Variants in SLC39A9 observed in about 807,000 individuals in gnomAD.
The protein encoded by SLC39A9 is solute carrier family 39 member 9, also known as zinc transporter ZIP9.
SLC39A9 carries 14 observed loss-of-function variants against 28.4 expected under a neutral mutation model. That is an observed-to-expected ratio of 0.49 (90% CI 0.33 to 0.77). The LOEUF (loss-of-function observed/expected upper bound fraction) is 0.77, where lower values mean the gene tolerates loss of function less well. Ranked by LOEUF, SLC39A9 falls within the 30% of genes least tolerant of loss-of-function variation. SLC39A9 has a pLI of 0.02. For missense variants in SLC39A9, 283 were observed against 381.1 expected, an observed-to-expected ratio of 0.74 and a Z score of 2.14; for synonymous variants, 119 against 149.6, an observed-to-expected ratio of 0.80 and a Z score of 1.49.
chr14:69,442,403 T>C (rs1885091770), intron 3 of SLC39A9, 137 bp downstream of exon 3: 1 of 798,014 alleles, frequency 1.3e-6, no homozygotes, highest in African/African-American at 1.7e-5. Context: ...CTAGTGAACA[T>C]TTAACTAAGT....
chr14:69,461,193 C>G lies in SLC39A9; in HGVS notation c.*2600C>G. 1 of 987,634 alleles carries G rather than the reference C, an allele frequency of 1.0e-6. No homozygotes were observed. The allele number at this position is 987,634 out of a possible 1,614,324, so 61.2% of individuals were successfully genotyped here. A position where few individuals can be genotyped will look rare whatever the true frequency, so the allele number is the denominator to read the frequency against. ...TGATGAGAAGCATGATTCTTGCTTC[C>G]ATATAACCAAAGTTAATCTTAATTG... On this transcript the variant is annotated 3_prime_UTR_variant, in exon 7 of 7. Transcript: ENST00000336643.
intron 1 of SLC39A9, among the ~76,000 whole-genome samples, chr14:69,408,376 G>T (rs1883059013): frequency 6.6e-6 from 1 of 152,102 alleles, no homozygotes. Flanking sequence ...CTTTCTCTTT[G>T]ATGAAAGGAC....
intron 2 of SLC39A9, among the ~76,000 whole-genome samples, chr14:69,440,588 A>G (rs1430267001): frequency 2.6e-5 from 4 of 152,174 alleles, no homozygotes; most frequent in Non-Finnish European, 5.9e-5. Flanking sequence ...TGTCTCAAAA[A>G]GAAAGAAAGA....
At chr14:69,422,774 G>T (rs1012637685) in intron 1 of SLC39A9, among the ~76,000 whole-genome samples, 5 of 152,266 alleles carry the variant, frequency 3.3e-5, no homozygotes, top group African/African-American at 1.2e-4. Flanking sequence ...TGTAGAGACG[G>T]GGTTTCACCA....
intron 1 of SLC39A9, among the ~76,000 whole-genome samples, chr14:69,401,325 C>T (rs1882621568): frequency 2.6e-5 from 4 of 152,246 alleles, no homozygotes; most frequent in Middle Eastern, 3.4e-3. Flanking sequence ...TTTGGGTTAC[C>T]TGCCTGCCCA....
intron 3 of SLC39A9, among the ~76,000 whole-genome samples, chr14:69,447,191 C>T (rs115108887): frequency 0.011 from 1,675 of 152,170 alleles, 40 homozygotes; most frequent in African/African-American, 0.039. Flanking sequence ...ATACCTTGAT[C>T]GGATAGTCAA....
At chr14:69,444,954 C>T (rs963643148) in intron 3 of SLC39A9, among the ~76,000 whole-genome samples, 2 of 151,258 alleles carry the variant, frequency 1.3e-5, no homozygotes, top group African/African-American at 2.4e-5. Flanking sequence ...GGAGACAATG[C>T]GAAACCCTGT....
intron 2 of SLC39A9, among the ~76,000 whole-genome samples, chr14:69,431,750 G>A (rs1350168410): frequency 3.3e-5 from 5 of 151,698 alleles, no homozygotes; most frequent in Non-Finnish European, 7.4e-5. Context: ...TTCTATTATT[G>A]CCATCTTTAT....
At chr14:69,453,413 C>A in intron 4 of SLC39A9, 104 bp downstream of exon 4, 1 of 1,060,546 alleles carries the variant, frequency 9.4e-7, no homozygotes, top group Non-Finnish European at 1.4e-6. Context: ...TTGGACTGGC[C>A]TTTGAGGAAA....
At position 69,412,698 on chromosome 14, in the gene SLC39A9, A is replaced by G. The variant is rs114114666; in HGVS notation, c.97-11396A>G. The stretch of plus-strand genomic sequence containing the variant: ...ACTGCTGTGTGCCAGATACTTCCTT[A>G]TAAATTGAGAATTCAGCAGTAAATT... On this transcript the variant is annotated intron_variant, in intron 1 of 6. Transcript: ENST00000336643. Among the ~76,000 whole-genome samples, 448 of 152,334 alleles carry G rather than the reference A, an allele frequency of 2.9e-3. 3 individuals carry two copies. Among genetic ancestry groups the G allele is most frequent in the African/African-American group, 0.01 (436 of 41,566 alleles).
At chr14:69,445,776 T>G (rs1885265789) in intron 3 of SLC39A9, among the ~76,000 whole-genome samples, 1 of 152,206 alleles carries the variant, frequency 6.6e-6, no homozygotes, top group African/African-American at 2.4e-5. Flanking sequence ...CCCCTGAGCA[T>G]GCCTTTTTGG....
intron 2 of SLC39A9, chr14:69,428,999 A>G (rs1413143140): frequency 6.6e-6 from 1 of 152,308 alleles, no homozygotes. Context: ...GACAAGGGCA[A>G]TTTTGCCAGG....
Position 69,457,400 on chromosome 14 carries a change from A to C in SLC39A9, c.694-963A>C, listed in dbSNP as rs558911010. Among the ~76,000 whole-genome samples, 308 of 152,104 alleles carry C rather than the reference A, an allele frequency of 2.0e-3. 1 individual carries two copies. Among genetic ancestry groups the C allele is most frequent in the Non-Finnish European group, 1.3e-3 (89 of 67,968 alleles). ...GTATTTTTAGTAGAGACAGGGTTTC[A>C]CCATGTTGGCCAGGCTGGTCTCGAA... On this transcript the variant is annotated intron_variant, in intron 6 of 6. Coordinates refer to ENST00000336643, the MANE Select transcript of SLC39A9 (RefSeq NM_018375.5).
chr14:69,461,707 AAG>A lies in SLC39A9; in HGVS notation c.*3117_*3118del. On this transcript the variant is annotated 3_prime_UTR_variant, in exon 7 of 7. Coordinates refer to ENST00000336643, the MANE Select transcript of SLC39A9 (RefSeq NM_018375.5). Reference sequence around the variant, plus strand: ...TTTCTCTTTTTCAAGGATTAGAACTAAGAGGACACACCAGCATCGGAGTGTAT... The same window carrying A: ...TTTCTCTTTTTCAAGGATTAGAACTAAGGACACACCAGCATCGGAGTGTAT... The A allele has an allele frequency of 6.5e-7, 1 of 1,535,986 alleles. No homozygotes were observed. Among genetic ancestry groups the A allele is most frequent in the African/African-American group, 1.4e-5 (1 of 73,118 alleles).
chr14:69,407,926 G>A (rs781340477), intron 1 of SLC39A9, among the ~76,000 whole-genome samples: 5 of 151,454 alleles, frequency 3.3e-5, no homozygotes, highest in African/African-American at 4.9e-5. Flanking sequence ...CACCGCACCC[G>A]GCCCTGCTAT....
At chr14:69,456,200 A>T (rs546591900) in intron 6 of SLC39A9, among the ~76,000 whole-genome samples, 52 of 152,306 alleles carry the variant, frequency 3.4e-4, no homozygotes, top group Non-Finnish European at 5.7e-4. Context: ...GTCCATATTT[A>T]ATGTGAGGTA....
Position 69,398,934 on chromosome 14 carries a change from T to A in SLC39A9, c.-436T>A, listed in dbSNP as rs1299701025. On this transcript the variant is annotated 5_prime_UTR_variant, in exon 1 of 7. Transcript: ENST00000336643. ...TTCCTGCTCTGGGGGGCGGATCACC[T>A]TCGGGGCCGCCTCTTGGAGACAGGG... 3 of 197,732 alleles carry A rather than the reference T, an allele frequency of 1.5e-5. No individual in the cohort carries two copies. The highest frequency in any genetic ancestry group is 3.1e-5 in the Non-Finnish European group (3 of 96,810). 12.2% of individuals were successfully genotyped at this position (197,732 alleles called of 1,614,324 possible).
chr14:69,411,980 A>G (rs1039567813), intron 1 of SLC39A9, among the ~76,000 whole-genome samples: 4 of 151,714 alleles, frequency 2.6e-5, no homozygotes, highest in Non-Finnish European at 4.4e-5. Context: ...ATGGGGTTTC[A>G]CCATGCTGGC....
Position 69,461,750 on chromosome 14 carries a change from C to T in SLC39A9, c.*3157C>T, listed in dbSNP as rs1886121575. 1.3e-6 allele frequency: 2 copies of T among 1,535,062 alleles called. No homozygotes were observed. Among genetic ancestry groups the T allele is most frequent in the Non-Finnish European group, 1.7e-6 (2 of 1,146,352 alleles). On this transcript the variant is annotated 3_prime_UTR_variant, in exon 7 of 7. Transcript: ENST00000336643. ...CGGAGTGTATTAAGCCCCTGAAACACATGGTAGCTAGGGACTGAACACAGG... is the reference window on the plus strand; with the variant it reads ...CGGAGTGTATTAAGCCCCTGAAACATATGGTAGCTAGGGACTGAACACAGG...
Sources: allele counts gnomAD v4.1 joint callset (sites outside exome capture counted in the v4.1 genomes callset), GRCh38; gene constraint gnomAD v4.1.1; transcripts MANE v1.5; gene names NCBI Gene and HGNC (gene_info 2026-07-23, HGNC 2026-07-21).